OGG1: variants seen among roughly 807,000 people sequenced by gnomAD.
OGG1 encodes N-glycosylase/DNA lyase.
In OGG1, 35 loss-of-function variants were observed where a neutral mutation model predicts 42.3. That is an observed-to-expected ratio of 0.83 (90% CI 0.63 to 1.10). The LOEUF is 1.10. OGG1 is among the 50% of genes least tolerant of loss of function. OGG1 has a pLI of 0.00. For synonymous variants in OGG1, 189 were observed against 179.0 expected (o/e 1.06, Z -0.44); for missense variants, 484 against 446.7 (o/e 1.08, Z -0.75).
intron 2 of OGG1, among the ~76,000 whole-genome samples, chr3:9,773,747 C>T (rs1192356243): frequency 6.6e-6 from 1 of 151,812 alleles, no homozygotes; most frequent in Non-Finnish European, 1.5e-5. Context: ...GGCTGTGGTG[C>T]AGCGGCGCCA....
downstream of OGG1, chr3:9,761,241 TTGTC>T (rs2077852686): frequency 1.6e-5 from 8 of 489,784 alleles, no homozygotes; most frequent in Non-Finnish European, 2.9e-5. Context: ...GGCAGGCACT[TTGTC>T]TGGTTTGTGC....
At chr3:9,789,819 G>T, downstream of OGG1, 1 of 1,614,200 alleles carries the variant, frequency 6.2e-7, no homozygotes, top group Non-Finnish European at 8.5e-7. Flanking sequence ...GGCCGTCCTG[G>T]GCCAGGGCCC....
intron 3 of OGG1, 42 bp from the exon 4 acceptor site, chr3:9,754,662 T>C (rs1473695651): frequency 6.2e-7 from 1 of 1,607,042 alleles, no homozygotes; most frequent in Non-Finnish European, 8.5e-7. Context: ...CAGGAAGAAC[T>C]TGAAGATGCC....
At chr3:9,755,619 A>C (rs533075894) in intron 4 of OGG1, among the ~76,000 whole-genome samples, 2 of 151,862 alleles carry the variant, frequency 1.3e-5, no homozygotes, top group African/African-American at 4.8e-5. Flanking sequence ...ATGCGCCACC[A>C]CACCCAGCTA....
chr3:9,782,790 C>CAAAA (rs36123956), intron 3 of OGG1, among the ~76,000 whole-genome samples: 2 of 120,048 alleles, frequency 1.7e-5, no homozygotes, highest in Middle Eastern at 3.6e-3. Flanking sequence ...GACACCGTCT[C>CAAAA]AAAAAAAAAA....
downstream of OGG1, chr3:9,761,342 G>C: frequency 1.0e-6 from 1 of 997,876 alleles, no homozygotes; most frequent in Non-Finnish European, 1.5e-6. Flanking sequence ...ATTGATTGGT[G>C]GAAGGAAGGG....
downstream of OGG1, chr3:9,789,408 T>A: frequency 9.3e-7 from 1 of 1,074,688 alleles, no homozygotes; most frequent in Non-Finnish European, 1.3e-6. Flanking sequence ...CTGGGCAGGG[T>A]TGGGGAAGGA....
At chr3:9,782,419 A>T (rs778463212) in intron 3 of OGG1, among the ~76,000 whole-genome samples, 19 of 152,170 alleles carry the variant, frequency 1.2e-4, no homozygotes, top group Non-Finnish European at 2.6e-4. Context: ...TGTTGTCAAG[A>T]CACTTGAGAG....
At position 9,754,951 on chromosome 3, in the gene OGG1, A is replaced by G. The variant is rs2077471330; in HGVS notation, c.747+66A>G. ...CTAAGAGGAGAGCAGGAAATGAGCCAAGCCTGGGAGCTGGGTGGAGGCTTG... is the reference window on the plus strand; with the variant it reads ...CTAAGAGGAGAGCAGGAAATGAGCCGAGCCTGGGAGCTGGGTGGAGGCTTG... On this transcript the variant is annotated intron_variant, in intron 4 of 6. Transcript: ENST00000344629. 2.8e-6 allele frequency: 4 copies of G among 1,421,540 alleles called. No homozygotes were observed. The South Asian group carries it at 4.9e-5, about 17-fold the overall frequency. 88.1% of individuals were successfully genotyped at this position (1,421,540 alleles called of 1,614,324 possible).
intron 1 of OGG1, 121 bp from the exon 2 acceptor site, chr3:9,750,824 T>G: frequency 2.5e-6 from 3 of 1,216,324 alleles, no homozygotes; most frequent in Non-Finnish European, 3.6e-6. Flanking sequence ...TTGCTCAGAC[T>G]GGAAGATAGC....
Position 9,754,823 on chromosome 3 carries a change from C to T in OGG1, c.685C>T (p.Arg229Ter), listed in dbSNP as rs775895926. ...CGGGCTAGCCTGGCTGCAGCAGCTA[C>T]GAGAGTCCTCATATGAGGAGGCCCA... ...QGGLAWLQQL[R>*]ESSYEEAHKA... Residue 229 changes from arginine (R) to a stop codon, truncating the protein, a stop_gained, in exon 4 of 7, where the codon CGA (arginine) becomes TGA (stop). Coordinates refer to ENST00000344629, the MANE Select transcript of OGG1 (RefSeq NM_002542.6). LOFTEE classifies it high-confidence loss of function. The T allele has an allele frequency of 1.1e-5, 17 of 1,611,792 alleles. 1 individual carries two copies. The highest frequency in any genetic ancestry group is 7.7e-5 in the South Asian group (7 of 90,466).
At chr3:9,785,475 C>T in intron 3 of OGG1, 2 of 1,253,624 alleles carry the variant, frequency 1.6e-6, no homozygotes, top group Non-Finnish European at 2.3e-6. Context: ...TTCCACTTTC[C>T]TGCTCCTTTC....
rs2077316508 is a variant in OGG1, at chr3:9,751,851, C to T, written c.467C>T (p.Thr156Ile). 3 of 1,614,232 alleles carry T rather than the reference C, an allele frequency of 1.9e-6. No individual in the cohort carries two copies. Among genetic ancestry groups the T allele is most frequent in the Admixed American group, 3.3e-5 (2 of 60,032 alleles). Residue 156 changes from threonine to isoleucine, a missense_variant, in exon 3 of 7, where the codon ACT becomes ATT. Coordinates refer to ENST00000344629, the MANE Select transcript of OGG1 (RefSeq NM_002542.6). ...CSSNNNIARI[T>I]GMVERLCQAF... ...TCCAACAACAACATCGCCCGCATCA[C>T]TGGCATGGTGGAGCGGCTGTGCCAG...
At chr3:9,759,900 C>T, downstream of OGG1, 3 of 1,298,344 alleles carry the variant, frequency 2.3e-6, no homozygotes, top group Non-Finnish European at 3.2e-6. Context: ...CTATGCTCTT[C>T]TTCAGGCCCT....
chr3:9,767,745 A>G (rs2078194333), downstream of OGG1: 1 of 1,613,988 alleles, frequency 6.2e-7, no homozygotes, highest in South Asian at 1.1e-5. Context: ...CACTGCCCCC[A>G]GCATGGCCCA....
intron 3 of OGG1, among the ~76,000 whole-genome samples, chr3:9,782,785 C>T (rs538228959): frequency 6.5e-5 from 7 of 107,238 alleles, no homozygotes; most frequent in South Asian, 3.4e-4. Flanking sequence ...AGTGAGACAC[C>T]GTCTCAAAAA....
downstream of OGG1, chr3:9,760,301 G>A (rs933610774): frequency 8.4e-6 from 2 of 236,774 alleles, no homozygotes; most frequent in Non-Finnish European, 1.7e-5. Flanking sequence ...CATTCACACT[G>A]ATGATAAACG....
At chr3:9,771,257 TCAAG>T (rs1179880189), downstream of OGG1, among the ~76,000 whole-genome samples, 1 of 152,026 alleles carries the variant, frequency 6.6e-6, no homozygotes, top group Non-Finnish European at 1.5e-5. Flanking sequence ...ACTCCTGGGC[TCAAG>T]CAATCCTCCC....
chr3:9,761,956 G>A (rs2077899246), downstream of OGG1: 1 of 679,498 alleles, frequency 1.5e-6, no homozygotes, highest in South Asian at 2.0e-5. Context: ...GGGTGTGGGG[G>A]GGAACTGTCT....
Sources: gnomAD v4.1 joint callset for allele counts (sites outside exome capture counted in the v4.1 genomes callset) on GRCh38, gnomAD v4.1.1 for gene constraint, MANE v1.5 for transcripts, NCBI Gene and HGNC (gene_info 2026-07-23, HGNC 2026-07-21) for gene names.